Variants in ADAMTSL1 observed in about 807,000 individuals in gnomAD.
The protein encoded by ADAMTSL1 is ADAMTS-like protein 1.
ADAMTSL1 carries 126 observed loss-of-function variants against 201.8 expected under a neutral mutation model. The observed-to-expected ratio is 0.62, with a 90% CI of 0.54 to 0.72. The LOEUF (loss-of-function observed/expected upper bound fraction) is 0.72, where lower values mean the gene tolerates loss of function less well. Ranked by LOEUF, ADAMTSL1 falls within the 30% of genes least tolerant of loss-of-function variation. The probability of loss-of-function intolerance (pLI) is 0.00; values close to 1 mark genes in which losing one functional copy is unlikely to be tolerated. For missense variants in ADAMTSL1, 2,679 were observed against 2,277.8 expected, an observed-to-expected ratio of 1.18 and a Z score of -3.59; for synonymous variants, 1,121 against 903.4, an observed-to-expected ratio of 1.24 and a Z score of -4.32.
intron 2 of ADAMTSL1, among the ~76,000 whole-genome samples, chr9:18,521,623 T>A (rs931370216): frequency 9.2e-5 from 14 of 152,148 alleles, no homozygotes; most frequent in Non-Finnish European, 1.8e-4. Flanking sequence ...TAAGCATGGT[T>A]ATCTGCAGAT....
chr9:18,441,832 T>C (rs16936711), intron 2 of ADAMTSL1, among the ~76,000 whole-genome samples: 5,937 of 152,310 alleles, frequency 0.039, 369 homozygotes, highest in African/African-American at 0.13. Flanking sequence ...AGTTTTGATC[T>C]ATATTACCTG....
chr9:17,955,318 C>G (rs1827888690), intron 1 of ADAMTSL1, among the ~76,000 whole-genome samples: 1 of 152,108 alleles, frequency 6.6e-6, no homozygotes, highest in Non-Finnish European at 1.5e-5. Context: ...CTACTGTCAG[C>G]AAAGGGAAAG....
chr9:18,275,384 T>A (rs973569004), intron 2 of ADAMTSL1, among the ~76,000 whole-genome samples: 1 of 152,128 alleles, frequency 6.6e-6, no homozygotes. Flanking sequence ...ATTAGCCCAT[T>A]TTAAGTGTAC....
At chr9:18,450,744 T>C (rs1820372403) in intron 2 of ADAMTSL1, among the ~76,000 whole-genome samples, 1 of 152,214 alleles carries the variant, frequency 6.6e-6, no homozygotes, top group Admixed American at 6.5e-5. Flanking sequence ...TCTGAAGTGA[T>C]TCATTATTTG....
chr9:18,222,322 T>G (rs1199570648), intron 2 of ADAMTSL1, among the ~76,000 whole-genome samples: 1 of 151,872 alleles, frequency 6.6e-6, no homozygotes, highest in Admixed American at 6.6e-5. Context: ...ATTTCTATTT[T>G]ATCTGTTACT....
intron 2 of ADAMTSL1, among the ~76,000 whole-genome samples, chr9:18,205,062 C>G (rs771087102): frequency 3.9e-5 from 6 of 152,082 alleles, no homozygotes. Context: ...GTGGTGGAGC[C>G]ACCAGGATAA....
intron 19 of ADAMTSL1, among the ~76,000 whole-genome samples, chr9:18,792,353 T>C (rs1163040048): frequency 2.6e-5 from 4 of 152,118 alleles, no homozygotes; most frequent in Non-Finnish European, 5.9e-5. Context: ...TAAACTGAAA[T>C]AGAGGAAGAT....
At chr9:18,650,937 G>A (rs1048518800) in intron 7 of ADAMTSL1, among the ~76,000 whole-genome samples, 1 of 151,962 alleles carries the variant, frequency 6.6e-6, no homozygotes, top group Non-Finnish European at 1.5e-5. Context: ...CCTTTTTGAG[G>A]GATTAAATGA....
At chr9:18,445,307 T>C (rs1259587452) in intron 2 of ADAMTSL1, among the ~76,000 whole-genome samples, 1 of 152,160 alleles carries the variant, frequency 6.6e-6, no homozygotes, top group Non-Finnish European at 1.5e-5. Context: ...TGGGGAAAAA[T>C]TAAGATCATG....
chr9:18,732,428 G>A (rs1172784553), intron 15 of ADAMTSL1, among the ~76,000 whole-genome samples: 1 of 152,130 alleles, frequency 6.6e-6, no homozygotes, highest in African/African-American at 2.4e-5. Context: ...ATCCAATAAG[G>A]TGTGTTTTGT....
At chr9:18,199,100 G>A (rs1829316445) in intron 2 of ADAMTSL1, among the ~76,000 whole-genome samples, 1 of 145,718 alleles carries the variant, frequency 6.9e-6, no homozygotes, top group Middle Eastern at 3.4e-3. Flanking sequence ...CACACTCTGG[G>A]GACTGTTGTG....
intron 23 of ADAMTSL1, among the ~76,000 whole-genome samples, chr9:18,876,831 C>T (rs912924973): frequency 1.3e-5 from 2 of 152,206 alleles, no homozygotes; most frequent in Non-Finnish European, 2.9e-5. Context: ...CTCGATTATT[C>T]CCTCAAATAT....
intron 1 of ADAMTSL1, among the ~76,000 whole-genome samples, chr9:18,057,558 C>A (rs1311058453): frequency 6.6e-6 from 1 of 152,122 alleles, no homozygotes; most frequent in Non-Finnish European, 1.5e-5. Flanking sequence ...AGGGAGAAAT[C>A]ATATTGGCAA....
At chr9:18,265,598 G>T (rs990305396) in intron 2 of ADAMTSL1, among the ~76,000 whole-genome samples, 5 of 152,092 alleles carry the variant, frequency 3.3e-5, no homozygotes, top group African/African-American at 1.2e-4. Flanking sequence ...TATACCCTGA[G>T]CACAAAATGT....
At chr9:18,873,989 C>G (rs1003688818) in intron 23 of ADAMTSL1, among the ~76,000 whole-genome samples, 3 of 151,936 alleles carry the variant, frequency 2.0e-5, no homozygotes, top group Non-Finnish European at 4.4e-5. Flanking sequence ...TGTAGTTTTC[C>G]TTGTAGAGGT....
At chr9:18,500,022 A>T (rs1168613854) in intron 1 of ADAMTSL1, among the ~76,000 whole-genome samples, 3 of 152,186 alleles carry the variant, frequency 2.0e-5, no homozygotes, top group Non-Finnish European at 4.4e-5. Context: ...TTCATCTTAC[A>T]TCTTTCATGT....
At chr9:18,733,462 T>C (rs1818326547) in intron 15 of ADAMTSL1, among the ~76,000 whole-genome samples, 1 of 152,118 alleles carries the variant, frequency 6.6e-6, no homozygotes, top group South Asian at 2.1e-4. Context: ...CACTGAGTTA[T>C]TAGGCAAAAA....
At chr9:18,858,380 T>C (rs925048041) in intron 23 of ADAMTSL1, among the ~76,000 whole-genome samples, 2 of 152,150 alleles carry the variant, frequency 1.3e-5, no homozygotes, top group East Asian at 3.8e-4. Context: ...TAGATGCCCT[T>C]TTCACTCTGT....
intron 1 of ADAMTSL1, among the ~76,000 whole-genome samples, chr9:18,063,019 T>C (rs1822530155): frequency 1.3e-5 from 2 of 152,150 alleles, no homozygotes; most frequent in African/African-American, 4.8e-5. Context: ...TCCTATTCCA[T>C]AAGTTTTCAT....
Sources: allele counts gnomAD v4.1 joint callset (sites outside exome capture counted in the v4.1 genomes callset), GRCh38; gene constraint gnomAD v4.1.1; transcripts MANE v1.5; gene names NCBI Gene and HGNC (gene_info 2026-07-23, HGNC 2026-07-21).